Variants in SEC61G observed in about 807,000 individuals in gnomAD.
SEC61G encodes protein transport protein Sec61 subunit gamma.
A neutral mutation model predicts 7.5 loss-of-function variants in SEC61G; 4 were observed. The observed-to-expected ratio is 0.54, with a 90% confidence interval of 0.26 to 1.22. SEC61G has a LOEUF of 1.22. Among genes scored for constraint, SEC61G ranks in the 50% most tolerant of loss-of-function variants. SEC61G has a pLI of 0.12. For synonymous variants in SEC61G, 24 were observed against 24.4 expected (o/e 0.98, Z 0.05); for missense variants, 53 against 84.6 (o/e 0.63, Z 1.46).
intron 3 of SEC61G, 94 bp downstream of exon 3, chr7:54,755,685 G>C (rs557207931): frequency 3.4e-6 from 2 of 583,954 alleles, no homozygotes; most frequent in East Asian, 3.0e-5. Flanking sequence ...AAAAAGTCAA[G>C]AGATGCATCT....
Position 54,753,616 on chromosome 7 carries a change from G to T in SEC61G, c.198-1196C>A, listed in dbSNP as rs118081354. The stretch of plus-strand genomic sequence containing the variant: ...TTTTACAGCTGTCCTGGCATAACAT[G>T]AGAAAAGAGTAAGTTTTCTGTAGTG... On this transcript the variant is annotated intron_variant, in intron 3 of 3. Coordinates refer to ENST00000352861, the MANE Select transcript of SEC61G (RefSeq NM_014302.4). 7.8e-3 allele frequency among the ~76,000 whole-genome samples: 1,184 copies of T among 152,290 alleles called. 12 individuals are homozygous for T. Among genetic ancestry groups the T allele is most frequent in the Middle Eastern group, 0.02 (6 of 294 alleles).
At chr7:54,754,617 G>A (rs909347037) in intron 3 of SEC61G, among the ~76,000 whole-genome samples, 2 of 152,098 alleles carry the variant, frequency 1.3e-5, no homozygotes, top group East Asian at 3.8e-4. Flanking sequence ...AAATCCCTCT[G>A]ACAATATACA....
chr7:54,754,597 C>A (rs73122019), intron 3 of SEC61G, among the ~76,000 whole-genome samples: 44,302 of 151,950 alleles, frequency 0.29, 7,275 homozygotes, highest in African/African-American at 0.46. Context: ...ACTATGGTAA[C>A]CTACTTCAGA....
chr7:54,758,896 G>A, intron 1 of SEC61G: 1 of 272,788 alleles, frequency 3.7e-6, no homozygotes, highest in Non-Finnish European at 7.1e-6. Flanking sequence ...AGACGCCGGG[G>A]CAGGACGCTA....
intron 3 of SEC61G, chr7:54,755,501 T>C (rs1791496257): frequency 4.4e-6 from 1 of 228,298 alleles, no homozygotes; most frequent in Non-Finnish European, 8.4e-6. Context: ...AGGACTTAGG[T>C]TTCAATGCTG....
At chr7:54,758,099 A>G (rs1355319284) in intron 1 of SEC61G, among the ~76,000 whole-genome samples, 1 of 152,222 alleles carries the variant, frequency 6.6e-6, no homozygotes, top group Non-Finnish European at 1.5e-5. Context: ...ATAGAGGCAA[A>G]CGTGAATTTC....
At chr7:54,752,496 TG>T in intron 3 of SEC61G, 76 bp from the exon 4 acceptor site, 1 of 931,376 alleles carries the variant, frequency 1.1e-6, no homozygotes, top group Non-Finnish European at 1.6e-6. Flanking sequence ...AAATGCAATA[TG>T]CTATAACTTT....
At position 54,752,277 on chromosome 7, in the gene SEC61G, A is replaced by G; in HGVS notation, c.*134T>C. ...ATTTACTTTGAAATTACTTTAATTTAGAAATAGAAAACATCTTGAAAGGAA... is the reference window on the plus strand; with the variant it reads ...ATTTACTTTGAAATTACTTTAATTTGGAAATAGAAAACATCTTGAAAGGAA... On this transcript the variant is annotated 3_prime_UTR_variant, in exon 4 of 4. Coordinates refer to ENST00000352861, the MANE Select transcript of SEC61G (RefSeq NM_014302.4). 1 of 522,986 alleles carries G rather than the reference A, an allele frequency of 1.9e-6. No homozygotes were observed. Among genetic ancestry groups the G allele is most frequent in the Admixed American group, 3.3e-5 (1 of 29,912 alleles). The allele number at this position is 522,986 out of a possible 1,614,324, so 32.4% of individuals were successfully genotyped here.
Position 54,757,679 on chromosome 7 carries a change from C to A in SEC61G, c.-6-85G>T, listed in dbSNP as rs770493784. ...ATTTATATAAAGATGTAAATGAGAC[C>A]AGCCACTGAATTCACGTCTAACATG... On this transcript the variant is annotated intron_variant, in intron 1 of 3. Coordinates refer to ENST00000352861, the MANE Select transcript of SEC61G (RefSeq NM_014302.4). 3.9e-5 allele frequency: 42 copies of A among 1,063,344 alleles called. No individual in the cohort carries two copies. The African/African-American group carries it at 5.6e-4, about 14-fold the overall frequency. 65.9% of individuals were successfully genotyped at this position (1,063,344 alleles called of 1,614,324 possible). A position where few individuals can be genotyped will look rare whatever the true frequency, so the allele number is the denominator to read the frequency against.
chr7:54,752,493 A>C, intron 3 of SEC61G, 73 bp from the exon 4 acceptor site: 1 of 979,698 alleles, frequency 1.0e-6, no homozygotes, highest in Non-Finnish European at 1.5e-6. Context: ...TTGAAATGCA[A>C]TATGCTATAA....
chr7:54,759,121 C>G (rs954274579), intron 1 of SEC61G, 37 bp downstream of exon 1: 7 of 513,990 alleles, frequency 1.4e-5, no homozygotes, highest in Middle Eastern at 3.2e-4. Context: ...GTGTGGCCGC[C>G]CCGTTCGCCC....
At chr7:54,758,599 G>A (rs1791568208) in intron 1 of SEC61G, among the ~76,000 whole-genome samples, 1 of 152,140 alleles carries the variant, frequency 6.6e-6, no homozygotes, top group Non-Finnish European at 1.5e-5. Context: ...AATCCAAAGG[G>A]CTTAAACTTT....
At position 54,752,375 on chromosome 7, in the gene SEC61G, A is replaced by G; in HGVS notation, c.*36T>C. On this transcript the variant is annotated 3_prime_UTR_variant, in exon 4 of 4. Transcript: ENST00000352861. Reference sequence around the variant, plus strand: ...TCTCACACCCTCACACTTGTTCACCAATCTCTAAGATGAAAAACTCTCTTC... The same window carrying G: ...TCTCACACCCTCACACTTGTTCACCGATCTCTAAGATGAAAAACTCTCTTC... 6.7e-7 allele frequency: 1 copy of G among 1,501,252 alleles called. No homozygotes were observed. The allele number at this position is 1,501,252 out of a possible 1,614,324, so 93.0% of individuals were successfully genotyped here.
intron 2 of SEC61G, among the ~76,000 whole-genome samples, chr7:54,756,951 A>ATACTATATACTATATATACTATATAC (rs1562769667): frequency 6.9e-6 from 1 of 145,510 alleles, no homozygotes; most frequent in African/African-American, 2.5e-5. Context: ...ACTATACTAT[A>ATACTATATACTATATATACTATATAC]TATATACTAT....
chr7:54,756,642 G>C (rs114522377), intron 2 of SEC61G, among the ~76,000 whole-genome samples: 1,574 of 152,270 alleles, frequency 0.01, 25 homozygotes, highest in African/African-American at 0.035. Context: ...AACAGAGTGA[G>C]ACTCTGTCTG....
intron 2 of SEC61G, 54 bp from the exon 3 acceptor site, chr7:54,755,935 G>A: frequency 1.9e-6 from 2 of 1,037,456 alleles, no homozygotes; most frequent in East Asian, 2.6e-5. Flanking sequence ...CTGAAAGTAT[G>A]GGAAAAAAAC....
chr7:54,752,752 A>G (rs181267835), intron 3 of SEC61G, among the ~76,000 whole-genome samples: 9 of 152,334 alleles, frequency 5.9e-5, no homozygotes, highest in Admixed American at 3.9e-4. Flanking sequence ...AAGCTTTTCA[A>G]GTTGATAAAG....
chr7:54,755,717 C>G (rs1791499868), intron 3 of SEC61G, 62 bp downstream of exon 3: 6 of 893,530 alleles, frequency 6.7e-6, no homozygotes, highest in Non-Finnish European at 1.0e-5. Flanking sequence ...AAATAACAGC[C>G]TGTCATCTCA....
chr7:54,757,662 A>G, intron 1 of SEC61G, 68 bp from the exon 2 acceptor site: 2 of 1,277,126 alleles, frequency 1.6e-6, no homozygotes, highest in Non-Finnish European at 2.3e-6. Flanking sequence ...TCATTTATAT[A>G]AAGATGTAAA....
Sources: gnomAD v4.1 joint callset for allele counts (sites outside exome capture counted in the v4.1 genomes callset) on GRCh38, gnomAD v4.1.1 for gene constraint, MANE v1.5 for transcripts, NCBI Gene and HGNC (gene_info 2026-07-23, HGNC 2026-07-21) for gene names.